Variants in SPON1 observed in about 807,000 individuals in gnomAD.
SPON1 encodes spondin 1.
In SPON1, 52 loss-of-function variants were observed where a neutral mutation model predicts 111.7. The ratio of observed to expected loss-of-function variants is 0.47; its 90% CI spans 0.37 to 0.59. The LOEUF is 0.59. Among genes scored for constraint, SPON1 ranks in the 20% least tolerant of loss-of-function variants. SPON1 has a pLI of 0.00. For missense variants in SPON1, 957 were observed against 1,068.5 expected (o/e 0.90, Z 1.46); for synonymous variants, 410 against 395.8 (o/e 1.04, Z -0.43).
At chr11:14,192,138 C>T (rs1439552367) in intron 6 of SPON1, among the ~76,000 whole-genome samples, 6 of 151,914 alleles carry the variant, frequency 3.9e-5, no homozygotes, top group African/African-American at 1.5e-4. Context: ...TTGGGTTACA[C>T]CAGTCAACCA....
At chr11:14,160,702 T>C (rs1393150687) in intron 6 of SPON1, among the ~76,000 whole-genome samples, 1 of 14,890 alleles carries the variant, frequency 6.7e-5, no homozygotes, top group South Asian at 2.8e-3. Context: ...TATATATTTA[T>C]ATATATTTAT....
chr11:13,998,781 T>C (rs1339711943), intron 2 of SPON1, among the ~76,000 whole-genome samples: 1 of 152,212 alleles, frequency 6.6e-6, no homozygotes, highest in Non-Finnish European at 1.5e-5. Flanking sequence ...TTTGCAAACG[T>C]TAATTGGTCT....
chr11:14,251,391 A>G (rs1175663437), intron 7 of SPON1, among the ~76,000 whole-genome samples: 1 of 152,226 alleles, frequency 6.6e-6, no homozygotes, highest in African/African-American at 2.4e-5. Context: ...TGGATACAAC[A>G]GATTGGGCCA....
intron 6 of SPON1, among the ~76,000 whole-genome samples, chr11:14,178,554 T>C (rs186737401): frequency 4.9e-4 from 74 of 152,316 alleles, no homozygotes; most frequent in African/African-American, 1.6e-3. Context: ...TTTTATTCCT[T>C]GGGCTAAATT....
At chr11:14,182,381 C>G (rs1268829440) in intron 6 of SPON1, among the ~76,000 whole-genome samples, 1 of 152,188 alleles carries the variant, frequency 6.6e-6, no homozygotes, top group African/African-American at 2.4e-5. Context: ...GGCCTAAATT[C>G]TAACCTTGGC....
At chr11:13,979,496 A>C (rs570267739) in intron 1 of SPON1, among the ~76,000 whole-genome samples, 4 of 152,324 alleles carry the variant, frequency 2.6e-5, no homozygotes, top group Admixed American at 2.6e-4. Flanking sequence ...CCCAGGGGAA[A>C]CTAGTAAGAG....
chr11:14,182,619 C>G (rs781854704), intron 6 of SPON1, among the ~76,000 whole-genome samples: 1 of 152,236 alleles, frequency 6.6e-6, no homozygotes, highest in Admixed American at 6.5e-5. Flanking sequence ...AAGCACCAAC[C>G]TGAAGAGGCA....
At chr11:14,197,708 C>T (rs1371403129) in intron 6 of SPON1, among the ~76,000 whole-genome samples, 7 of 151,150 alleles carry the variant, frequency 4.6e-5, no homozygotes, top group African/African-American at 1.5e-4. Flanking sequence ...CCCAGCTACT[C>T]GGGAGGCTGA....
At chr11:14,031,281 C>A (rs1412941923) in intron 2 of SPON1, among the ~76,000 whole-genome samples, 1 of 152,084 alleles carries the variant, frequency 6.6e-6, no homozygotes, top group Non-Finnish European at 1.5e-5. Context: ...TGGGATCATT[C>A]GTAACAAACC....
At chr11:14,141,198 A>G (rs1285824794) in intron 6 of SPON1, among the ~76,000 whole-genome samples, 2 of 152,130 alleles carry the variant, frequency 1.3e-5, no homozygotes, top group African/African-American at 4.8e-5. Flanking sequence ...TATTTCTGGC[A>G]TCTGGGCAGT....
chr11:14,081,999 ACT>A (rs1173915442), intron 5 of SPON1, among the ~76,000 whole-genome samples: 1 of 151,930 alleles, frequency 6.6e-6, no homozygotes, highest in Non-Finnish European at 1.5e-5. Context: ...AGAAACTTGG[ACT>A]CTCTGCCTGG....
intron 3 of SPON1, among the ~76,000 whole-genome samples, chr11:14,045,861 T>C (rs1848664654): frequency 6.6e-6 from 1 of 152,078 alleles, no homozygotes; most frequent in Non-Finnish European, 1.5e-5. Flanking sequence ...GAAATTTTTA[T>C]GTAATCAAAT....
intron 5 of SPON1, among the ~76,000 whole-genome samples, chr11:14,095,405 T>C (rs782807899): frequency 2.5e-4 from 9 of 36,422 alleles, no homozygotes; most frequent in African/African-American, 1.2e-3. Context: ...AATGAGAGAC[T>C]AGATAGATAG....
chr11:14,060,725 T>A (rs1848785320), intron 3 of SPON1, among the ~76,000 whole-genome samples: 1 of 152,174 alleles, frequency 6.6e-6, no homozygotes, highest in Admixed American at 6.5e-5. Flanking sequence ...CTAAATAAAA[T>A]GTCTACTACA....
intron 6 of SPON1, among the ~76,000 whole-genome samples, chr11:14,156,965 T>G (rs991246230): frequency 2.0e-5 from 3 of 152,114 alleles, no homozygotes; most frequent in Non-Finnish European, 2.9e-5. Flanking sequence ...TCTCCAACAT[T>G]GAAGATTACA....
intron 1 of SPON1, among the ~76,000 whole-genome samples, chr11:13,969,960 C>T (rs1848049740): frequency 6.6e-6 from 1 of 152,220 alleles, no homozygotes; most frequent in Non-Finnish European, 1.5e-5. Context: ...AGCTGAGAGG[C>T]TCATCTCATG....
intron 5 of SPON1, among the ~76,000 whole-genome samples, chr11:14,133,999 T>C (rs1295275088): frequency 6.6e-6 from 1 of 151,590 alleles, no homozygotes; most frequent in Non-Finnish European, 1.5e-5. Context: ...CGATGTGAGC[T>C]GTAAACAGAA....
intron 2 of SPON1, among the ~76,000 whole-genome samples, chr11:14,005,836 T>A (rs1848355416): frequency 6.6e-6 from 1 of 152,190 alleles, no homozygotes; most frequent in African/African-American, 2.4e-5. Flanking sequence ...AAAGTTCAAC[T>A]CTAGAGCCTG....
intron 3 of SPON1, among the ~76,000 whole-genome samples, chr11:14,068,519 C>A (rs1358056254): frequency 6.6e-6 from 1 of 152,144 alleles, no homozygotes; most frequent in Non-Finnish European, 1.5e-5. Context: ...TGATTCAGGT[C>A]GAGATGTCTG....
Sources: allele counts gnomAD v4.1 joint callset (sites outside exome capture counted in the v4.1 genomes callset), GRCh38; gene constraint gnomAD v4.1.1; transcripts MANE v1.5; gene names NCBI Gene and HGNC (gene_info 2026-07-23, HGNC 2026-07-21).